Variants in MACROD2 observed in about 807,000 individuals in gnomAD.
The protein encoded by MACROD2 is ADP-ribose glycohydrolase MACROD2.
Under a neutral mutation model 70.4 loss-of-function variants are expected in MACROD2, and 36 were observed. The observed-to-expected ratio is 0.51, with a 90% CI of 0.39 to 0.68. The LOEUF (loss-of-function observed/expected upper bound fraction) is 0.68, where lower values mean the gene tolerates loss of function less well. Ranked by LOEUF, MACROD2 falls within the 30% of genes least tolerant of loss-of-function variation. The pLI is 0.00. For synonymous variants in MACROD2, 172 were observed against 178.8 expected, an observed-to-expected ratio of 0.96 and a Z score of 0.30; for missense variants, 496 against 538.4, an observed-to-expected ratio of 0.92 and a Z score of 0.78.
chr20:15,930,069 A>T (rs1208382084), intron 10 of MACROD2, among the ~76,000 whole-genome samples: 1 of 152,226 alleles, frequency 6.6e-6, no homozygotes, highest in East Asian at 1.9e-4. Context: ...GAGAACATTT[A>T]GCTTCTATGT....
intron 5 of MACROD2, among the ~76,000 whole-genome samples, chr20:15,020,979 C>T (rs1272178691): frequency 6.9e-6 from 1 of 145,256 alleles, no homozygotes; most frequent in Admixed American, 6.7e-5. Flanking sequence ...TATACATATA[C>T]ACATGTGTGT....
intron 4 of MACROD2, among the ~76,000 whole-genome samples, chr20:14,495,964 C>T (rs1195161605): frequency 6.6e-6 from 1 of 152,108 alleles, no homozygotes; most frequent in African/African-American, 2.4e-5. Flanking sequence ...TATTTATGCA[C>T]TTCTGGAGAT....
intron 10 of MACROD2, among the ~76,000 whole-genome samples, chr20:15,914,429 G>A (rs188528441): frequency 3.3e-5 from 5 of 152,270 alleles, no homozygotes; most frequent in Admixed American, 1.3e-4. Flanking sequence ...TTTAAACCTC[G>A]CATGATCAGT....
At chr20:14,862,031 A>T (rs1346991009) in intron 5 of MACROD2, among the ~76,000 whole-genome samples, 3 of 17,372 alleles carry the variant, frequency 1.7e-4, no homozygotes, top group African/African-American at 2.4e-4. Flanking sequence ...ATATATATTT[A>T]TATATATTTA....
At chr20:14,451,950 G>A (rs956346748) in intron 3 of MACROD2, among the ~76,000 whole-genome samples, 1 of 152,110 alleles carries the variant, frequency 6.6e-6, no homozygotes, top group Non-Finnish European at 1.5e-5. Flanking sequence ...TTCTCCATGA[G>A]GGGGTGGAGG....
chr20:15,647,911 G>A (rs1047759745), intron 8 of MACROD2, among the ~76,000 whole-genome samples: 1 of 152,042 alleles, frequency 6.6e-6, no homozygotes, highest in Non-Finnish European at 1.5e-5. Flanking sequence ...TAGAGATGGG[G>A]TCTCACCATG....
intron 8 of MACROD2, among the ~76,000 whole-genome samples, chr20:15,569,778 T>C (rs1003680199): frequency 9.9e-5 from 15 of 152,220 alleles, no homozygotes; most frequent in African/African-American, 3.6e-4. Flanking sequence ...CGTGCCGACA[T>C]ACAGTGTTAG....
At chr20:14,012,331 T>C (rs2052922602) in intron 2 of MACROD2, among the ~76,000 whole-genome samples, 1 of 152,244 alleles carries the variant, frequency 6.6e-6, no homozygotes. Context: ...ATGACTTTGC[T>C]TTTTCTCAGG....
chr20:15,412,844 G>T (rs2046096624), intron 6 of MACROD2, among the ~76,000 whole-genome samples: 1 of 151,990 alleles, frequency 6.6e-6, no homozygotes, highest in South Asian at 2.1e-4. Flanking sequence ...TTCTTATCTG[G>T]ACAAATGACC....
At chr20:15,866,055 G>T (rs2064489038) in intron 9 of MACROD2, among the ~76,000 whole-genome samples, 1 of 152,174 alleles carries the variant, frequency 6.6e-6, no homozygotes, top group African/African-American at 2.4e-5. Flanking sequence ...AGGGAGGGAA[G>T]TTTAAGTAGG....
chr20:15,018,506 C>CT (rs1362435295), intron 5 of MACROD2, among the ~76,000 whole-genome samples: 41 of 152,176 alleles, frequency 2.7e-4, no homozygotes, highest in Admixed American at 2.7e-3. Flanking sequence ...TTCCAAAGAT[C>CT]TTTGAGTATC....
intron 4 of MACROD2, among the ~76,000 whole-genome samples, chr20:14,677,856 A>C (rs989038201): frequency 6.6e-5 from 10 of 152,182 alleles, no homozygotes; most frequent in Non-Finnish European, 1.2e-4. Flanking sequence ...TACCTAGGGC[A>C]ATGAGCTTGG....
chr20:15,715,835 C>T (rs1055841959), intron 8 of MACROD2, among the ~76,000 whole-genome samples: 4 of 152,082 alleles, frequency 2.6e-5, no homozygotes, highest in African/African-American at 4.8e-5. Flanking sequence ...ATTTCATCTT[C>T]GCCATCTTTG....
chr20:15,437,437 A>G (rs548374444), intron 7 of MACROD2, among the ~76,000 whole-genome samples: 2 of 152,262 alleles, frequency 1.3e-5, no homozygotes, highest in South Asian at 4.1e-4. Context: ...CATCACCACC[A>G]GTGTTGTCTA....
At chr20:14,492,392 C>A (rs534510536) in intron 3 of MACROD2, among the ~76,000 whole-genome samples, 1 of 152,226 alleles carries the variant, frequency 6.6e-6, no homozygotes, top group East Asian at 1.9e-4. Context: ...CATTTGGTCT[C>A]TATGTATTTT....
chr20:15,579,948 T>G (rs576600149), intron 8 of MACROD2, among the ~76,000 whole-genome samples: 107 of 152,208 alleles, frequency 7.0e-4, no homozygotes, highest in Non-Finnish European at 1.5e-3. Flanking sequence ...TTTATGGTGG[T>G]AATTATGAGT....
At chr20:15,779,171 A>G (rs2051787385) in intron 8 of MACROD2, among the ~76,000 whole-genome samples, 1 of 152,152 alleles carries the variant, frequency 6.6e-6, no homozygotes, top group African/African-American at 2.4e-5. Context: ...AACACTTGGA[A>G]TTAATGCCTC....
At chr20:15,411,149 T>TACACACACACACACACACAC (rs55750139) in intron 6 of MACROD2, among the ~76,000 whole-genome samples, 12 of 144,184 alleles carry the variant, frequency 8.3e-5, no homozygotes, top group African/African-American at 2.3e-4. Flanking sequence ...GATATGTATT[T>TACACACACACACACACACAC]ACACACACAC....
intron 7 of MACROD2, among the ~76,000 whole-genome samples, chr20:15,435,852 G>A (rs1249842983): frequency 6.6e-6 from 1 of 152,106 alleles, no homozygotes; most frequent in Non-Finnish European, 1.5e-5. Flanking sequence ...TGTCAGGCAT[G>A]GCATTAATAG....
Sources: allele counts gnomAD v4.1 joint callset (sites outside exome capture counted in the v4.1 genomes callset), GRCh38; gene constraint gnomAD v4.1.1; transcripts MANE v1.5; gene names NCBI Gene and HGNC (gene_info 2026-07-23, HGNC 2026-07-21).